The following CIROZ variants were observed in gnomAD, a reference collection of about 807,000 sequenced individuals.
CIROZ encodes the protein ciliated left-right organizer protein containing ZP-N domains.
the CIROZ span, chr1:10,964,257 C>A: frequency 6.2e-7 from 1 of 1,612,530 alleles, no homozygotes; most frequent in Non-Finnish European, 8.5e-7. Context: ...TGATTTCCAG[C>A]CTGTAATTTG....
chr1:10,947,513 G>C, the CIROZ span: 1 of 621,946 alleles, frequency 1.6e-6, no homozygotes, highest in South Asian at 5.1e-5. Flanking sequence ...GCTGAGCACA[G>C]TGATCATCTG....
At chr1:10,980,097 G>A in the CIROZ span, among the ~76,000 whole-genome samples, 1 of 152,332 alleles carries the variant, frequency 6.6e-6, no homozygotes, top group Admixed American at 6.5e-5. Flanking sequence ...ATGTGAAAAG[G>A]CAGGAATGGG....
the CIROZ span, chr1:10,963,978 G>T: frequency 1.0e-6 from 1 of 991,784 alleles, no homozygotes; most frequent in Non-Finnish European, 1.4e-6. Flanking sequence ...ATGTCTAGGA[G>T]AACAATGCCA....
At chr1:10,972,595 C>T in the CIROZ span, among the ~76,000 whole-genome samples, 1 of 152,210 alleles carries the variant, frequency 6.6e-6, no homozygotes, top group African/African-American at 2.4e-5. Context: ...GTTGGATGAT[C>T]AGGGCTTAGA....
At chr1:10,948,556 G>A in the CIROZ span, 783 of 1,614,202 alleles carry the variant, frequency 4.9e-4, 13 homozygotes, top group South Asian at 7.1e-3. Context: ...GATTCAGGTC[G>A]TTCAGGCCTC....
chr1:10,949,967 T>G, the CIROZ span, among the ~76,000 whole-genome samples: 2 of 151,846 alleles, frequency 1.3e-5, no homozygotes, highest in Admixed American at 1.3e-4. Flanking sequence ...GAAATGTCCA[T>G]TGGCTGAATT....
chr1:10,973,479 G>A, the CIROZ span, among the ~76,000 whole-genome samples: 1 of 152,204 alleles, frequency 6.6e-6, no homozygotes, highest in African/African-American at 2.4e-5. Context: ...GGATAGGAAG[G>A]CTCAGGAGCT....
At chr1:10,972,846 G>A in the CIROZ span, among the ~76,000 whole-genome samples, 2 of 152,048 alleles carry the variant, frequency 1.3e-5, no homozygotes, top group Non-Finnish European at 2.9e-5. Context: ...CAGCACTTTG[G>A]GAGGCTGAGG....
chr1:10,955,224 A>G, the CIROZ span: 7 of 1,552,910 alleles, frequency 4.5e-6, no homozygotes, highest in Middle Eastern at 1.7e-4. Context: ...AAAAAGGCAC[A>G]CTTTGCAGGC....
chr1:10,961,312 G>A, the CIROZ span, among the ~76,000 whole-genome samples: 71 of 152,126 alleles, frequency 4.7e-4, no homozygotes, highest in African/African-American at 1.4e-3. Flanking sequence ...GCAATTCTTA[G>A]GTGCACCAAC....
At chr1:10,954,663 A>G in the CIROZ span, among the ~76,000 whole-genome samples, 1 of 152,138 alleles carries the variant, frequency 6.6e-6, no homozygotes, top group East Asian at 1.9e-4. Context: ...TTTTTGAGAC[A>G]GGGTCTCACT....
the CIROZ span, chr1:10,969,908 GC>G: frequency 2.1e-6 from 3 of 1,462,262 alleles, no homozygotes; most frequent in Non-Finnish European, 2.7e-6. Flanking sequence ...AGCATTGCAG[GC>G]AGGGGAAGGC....
At chr1:10,972,733 C>T in the CIROZ span, among the ~76,000 whole-genome samples, 1 of 152,150 alleles carries the variant, frequency 6.6e-6, no homozygotes, top group Non-Finnish European at 1.5e-5. Flanking sequence ...CCCTTTGCCC[C>T]TCCTGGGTGA....
chr1:10,960,969 C>G, the CIROZ span, among the ~76,000 whole-genome samples: 1 of 152,202 alleles, frequency 6.6e-6, no homozygotes, highest in Non-Finnish European at 1.5e-5. The surrounding 1 kb of genome is among the most constrained non-coding windows in gnomAD (Gnocchi z 4.6). Flanking sequence ...GTGCTGCCTA[C>G]CTCTGTGCGA....
At chr1:10,974,448 C>T in the CIROZ span, among the ~76,000 whole-genome samples, 46 of 152,222 alleles carry the variant, frequency 3.0e-4, no homozygotes, top group African/African-American at 9.1e-4. This position sits in a 1 kb window ranked among gnomAD's most constrained non-coding sequence, Gnocchi z 4.4. Context: ...CCTGCAGAGA[C>T]GTCCGAAAGA....
chr1:10,948,076 G>A, the CIROZ span: 1 of 1,613,490 alleles, frequency 6.2e-7, no homozygotes, highest in Admixed American at 1.7e-5. Context: ...ATCCCGGTGA[G>A]TTCAGGTCCT....
the CIROZ span, among the ~76,000 whole-genome samples, chr1:10,976,596 C>T: frequency 1.3e-5 from 2 of 151,772 alleles, no homozygotes; most frequent in South Asian, 2.1e-4. Flanking sequence ...GTGATCCACC[C>T]GCCTCGGCCT....
the CIROZ span, chr1:10,964,118 A>G: frequency 1.9e-6 from 3 of 1,613,112 alleles, no homozygotes; most frequent in Admixed American, 1.7e-5. Flanking sequence ...AGACCCCCCG[A>G]ACCCATTACC....
the CIROZ span, among the ~76,000 whole-genome samples, chr1:10,947,357 G>T: frequency 6.6e-6 from 1 of 152,226 alleles, no homozygotes; most frequent in Non-Finnish European, 1.5e-5. Flanking sequence ...CTTCCCTCGG[G>T]GAGGTCCATG....
Sources: gnomAD v4.1 joint callset for allele counts (sites outside exome capture counted in the v4.1 genomes callset) on GRCh38, gnomAD v4.1.1 for gene constraint, Gnocchi (gnomAD v3.1) non-coding constraint, MANE v1.5 for transcripts, NCBI Gene and HGNC (gene_info 2026-07-23, HGNC 2026-07-21) for gene names.